Variants in MBD5 observed in about 807,000 individuals in gnomAD.
The protein encoded by MBD5 is methyl-CpG-binding domain protein 5.
MBD5 carries 13 observed loss-of-function variants against 117.3 expected under a neutral mutation model. The ratio of observed to expected loss-of-function variants is 0.11; its 90% confidence interval spans 0.07 to 0.18. The LOEUF (loss-of-function observed/expected upper bound fraction) is 0.18, where lower values mean the gene tolerates loss of function less well. Ranked by LOEUF, MBD5 falls within the 10% of genes least tolerant of loss-of-function variation. The pLI is 1.00. For synonymous variants in MBD5, 727 were observed against 766.4 expected, an observed-to-expected ratio of 0.95 and a Z score of 0.85; for missense variants, 1,879 against 2,093.8, an observed-to-expected ratio of 0.90 and a Z score of 2.00.
rs1695456654 is a variant in MBD5, at chr2:148,074,635, T to C, written c.-925+52951T>C. Among the ~76,000 whole-genome samples the C allele has an allele frequency of 4.6e-5, 7 of 152,038 alleles. No individual in the cohort carries two copies. The South Asian group carries it at 1.5e-3, about 32-fold the overall frequency. On this transcript the variant is annotated intron_variant, in intron 1 of 13. Coordinates refer to ENST00000642680, the MANE Select transcript of MBD5 (RefSeq NM_001378120.1). ...CTCCTGCCTCAGCCTCTTAAATAGC[T>C]GGGATTACAAGGAGCCTGCCATTGC...
chr2:148,254,958 A>T, intron 3 of MBD5, among the ~76,000 whole-genome samples: 1 of 152,134 alleles, frequency 6.6e-6, no homozygotes, highest in East Asian at 1.9e-4. Flanking sequence ...TGTTCCAGGC[A>T]TTGTTATGGA....
At chr2:148,101,675 G>C (rs1696220569) in intron 1 of MBD5, among the ~76,000 whole-genome samples, 1 of 152,272 alleles carries the variant, frequency 6.6e-6, no homozygotes, top group East Asian at 1.9e-4. Context: ...AGTTAGGACA[G>C]TGTTTTTTTA....
chr2:148,457,085 A>G (rs1706908023), intron 4 of MBD5, among the ~76,000 whole-genome samples: 1 of 152,210 alleles, frequency 6.6e-6, no homozygotes, highest in Non-Finnish European at 1.5e-5. Flanking sequence ...AAAATAATAC[A>G]TTAGCTTCTT....
At position 148,231,832 on chromosome 2, in the gene MBD5, G is replaced by T. The variant is rs530660883; in HGVS notation, c.-830-1413G>T. 2.0e-5 allele frequency among the ~76,000 whole-genome samples: 3 copies of T among 152,206 alleles called. No homozygotes were observed. The East Asian group carries it at 5.8e-4, about 29-fold the overall frequency. ...AATACTTAATTCCAAATGACATCTG[G>T]CTTCACCGGGATTGTGGGGCTACAT... On this transcript the variant is annotated intron_variant, in intron 2 of 13. Coordinates refer to ENST00000642680, the MANE Select transcript of MBD5 (RefSeq NM_001378120.1).
chr2:148,150,973 A>T lies in MBD5; in HGVS notation c.-924-27727A>T, dbSNP rs1480406503. On this transcript the variant is annotated intron_variant, in intron 1 of 13. Coordinates refer to ENST00000642680, the MANE Select transcript of MBD5 (RefSeq NM_001378120.1). ...GATTGCCCTGGCCAGAACTTCCAAC[A>T]CTATGTTGAATAGGAGTGGTGAGAG... is the stretch of plus-strand genomic sequence containing the variant. 6.0e-5 allele frequency among the ~76,000 whole-genome samples: 9 copies of T among 151,176 alleles called. No individual in the cohort carries two copies. The East Asian group carries it at 1.6e-3, about 26-fold the overall frequency.
chr2:148,362,300 G>A (rs1444401586), intron 4 of MBD5, among the ~76,000 whole-genome samples: 2 of 152,134 alleles, frequency 1.3e-5, no homozygotes, highest in Non-Finnish European at 2.9e-5. Flanking sequence ...CTTGGTGGGG[G>A]GAGGGGCATC....
intron 2 of MBD5, among the ~76,000 whole-genome samples, chr2:148,189,033 A>G (rs1446481462): frequency 1.4e-5 from 2 of 145,894 alleles, no homozygotes; most frequent in Non-Finnish European, 3.0e-5. Context: ...CCACCCGAAT[A>G]TTGCGCTTTT....
chr2:148,289,558 T>C (rs9653191), intron 3 of MBD5, among the ~76,000 whole-genome samples: 87,675 of 151,968 alleles, frequency 0.58, 25,641 homozygotes, highest in East Asian at 0.83. Context: ...AAAGATATTA[T>C]TATCCTTTAA....
chr2:148,197,883 G>A (rs12467336), intron 2 of MBD5, among the ~76,000 whole-genome samples: 44,688 of 141,268 alleles, frequency 0.32, 7,965 homozygotes, highest in East Asian at 0.47. Context: ...GTATGATCTC[G>A]CCTAACTGCA....
At chr2:148,361,967 G>T (rs928372467) in intron 4 of MBD5, among the ~76,000 whole-genome samples, 1 of 152,210 alleles carries the variant, frequency 6.6e-6, no homozygotes, top group African/African-American at 2.4e-5. Flanking sequence ...CAGATACTAC[G>T]CTTTTCCCAT....
intron 4 of MBD5, among the ~76,000 whole-genome samples, chr2:148,359,543 A>G (rs1325840497): frequency 1.3e-5 from 2 of 152,182 alleles, no homozygotes; most frequent in African/African-American, 4.8e-5. Context: ...ATATGTAAAA[A>G]GCATTTTTCT....
chr2:148,239,686 T>TACACACACACACACACACACAC (rs34980624), intron 3 of MBD5, among the ~76,000 whole-genome samples: 2,263 of 141,498 alleles, frequency 0.016, 58 homozygotes, highest in East Asian at 0.07. Context: ...TTTATTTACT[T>TACACACACACACACACACACAC]ACACACACAC....
At chr2:148,434,934 G>A (rs577595181) in intron 4 of MBD5, among the ~76,000 whole-genome samples, 119 of 152,098 alleles carry the variant, frequency 7.8e-4, no homozygotes, top group Non-Finnish European at 1.6e-3. Flanking sequence ...TGAATGTTGG[G>A]TGCATATATA....
At chr2:148,319,849 C>A (rs1574281090) in intron 3 of MBD5, among the ~76,000 whole-genome samples, 1 of 152,172 alleles carries the variant, frequency 6.6e-6, no homozygotes, top group South Asian at 2.1e-4. Context: ...AGAGGCAATT[C>A]TTTCAAATTT....
chr2:148,282,926 G>T (rs1701285473), intron 3 of MBD5, among the ~76,000 whole-genome samples: 2 of 134,378 alleles, frequency 1.5e-5, no homozygotes, highest in South Asian at 2.4e-4. Flanking sequence ...GCAATTATTA[G>T]TTGTCTCTAT....
intron 3 of MBD5, among the ~76,000 whole-genome samples, chr2:148,251,924 A>C (rs955969502): frequency 6.6e-6 from 1 of 152,160 alleles, no homozygotes; most frequent in Non-Finnish European, 1.5e-5. Flanking sequence ...AAATGAGTAC[A>C]TTTTAGAAGT....
intron 1 of MBD5, among the ~76,000 whole-genome samples, chr2:148,022,094 G>A (rs1693763414): frequency 6.6e-6 from 1 of 152,172 alleles, no homozygotes; most frequent in Non-Finnish European, 1.5e-5. Context: ...CACTGCATTT[G>A]TTTCTGAGTG....
At chr2:148,292,185 C>T (rs997247149) in intron 3 of MBD5, among the ~76,000 whole-genome samples, 1 of 152,148 alleles carries the variant, frequency 6.6e-6, no homozygotes, top group Non-Finnish European at 1.5e-5. Flanking sequence ...ACCCCATGAG[C>T]ACAGGCAGCC....
intron 4 of MBD5, among the ~76,000 whole-genome samples, chr2:148,409,281 G>A (rs1341502675): frequency 1.3e-5 from 2 of 151,742 alleles, no homozygotes; most frequent in Admixed American, 6.6e-5. Flanking sequence ...CTAGCTACTC[G>A]GGAGGCTGAG....
Sources: gnomAD v4.1 joint callset for allele counts (sites outside exome capture counted in the v4.1 genomes callset) on GRCh38, gnomAD v4.1.1 for gene constraint, MANE v1.5 for transcripts, NCBI Gene and HGNC (gene_info 2026-07-23, HGNC 2026-07-21) for gene names.